ARL14EPL: variants seen among roughly 807,000 people sequenced by gnomAD.
The protein encoded by ARL14EPL is ARF like GTPase 14 effector protein like.
Under a neutral mutation model 15.9 loss-of-function variants are expected in ARL14EPL, and 17 were observed. That is an observed-to-expected ratio of 1.07 (90% CI 0.73 to 1.60). The LOEUF is 1.60. Among genes scored for constraint, ARL14EPL ranks in the 40% most tolerant of loss-of-function variants. The pLI is 0.00. For synonymous variants in ARL14EPL, 78 were observed against 63.8 expected (o/e 1.22, Z -1.06); for missense variants, 214 against 185.9 (o/e 1.15, Z -0.88).
Position 116,058,953 on chromosome 5 carries a change from C to G in ARL14EPL, c.*6C>G, listed in dbSNP as rs964365781. 2.0e-6 allele frequency: 3 copies of G among 1,534,706 alleles called. No individual in the cohort carries two copies. The highest frequency in any genetic ancestry group is 2.7e-5 in the African/African-American group (2 of 72,956). On this transcript the variant is annotated 3_prime_UTR_variant, in exon 4 of 4. Transcript: ENST00000686077. Reference sequence around the variant, plus strand: ...CGTTTAATGTTCCTGACTAGGTGCTCTTGTATATGGACTGATTTGTTTCTT... The same window carrying G: ...CGTTTAATGTTCCTGACTAGGTGCTGTTGTATATGGACTGATTTGTTTCTT...
intron 3 of ARL14EPL, among the ~76,000 whole-genome samples, chr5:116,056,426 T>C (rs894479905): frequency 6.6e-6 from 1 of 152,266 alleles, no homozygotes; most frequent in African/African-American, 2.4e-5. Context: ...CATGTGTCTA[T>C]TGGCTGCATC....
intron 2 of ARL14EPL, chr5:116,052,097 T>G (rs942049530): frequency 1.2e-6 from 2 of 1,613,238 alleles, no homozygotes; most frequent in African/African-American, 2.7e-5. Context: ...AAGTTTATAG[T>G]TGGGAACTTC....
At chr5:116,053,942 T>C in intron 2 of ARL14EPL, 72 bp from the exon 3 acceptor site, 2 of 1,345,578 alleles carry the variant, frequency 1.5e-6, no homozygotes, top group Non-Finnish European at 2.0e-6. Flanking sequence ...TTACAGAAAG[T>C]TCATTTTGGG....
intron 1 of ARL14EPL, among the ~76,000 whole-genome samples, chr5:116,047,814 A>G (rs1335519420): frequency 6.6e-6 from 1 of 152,140 alleles, no homozygotes; most frequent in African/African-American, 2.4e-5. Context: ...TTAAGGTTTT[A>G]TGGCTGGCCT....
chr5:116,043,914 A>G (rs1047622155), intron 1 of ARL14EPL, among the ~76,000 whole-genome samples: 1 of 152,218 alleles, frequency 6.6e-6, no homozygotes, highest in Non-Finnish European at 1.5e-5. Context: ...AATTGTCTAA[A>G]AGCAAGGTCA....
chr5:116,044,421 G>T (rs1749224961), intron 1 of ARL14EPL, among the ~76,000 whole-genome samples: 1 of 151,986 alleles, frequency 6.6e-6, no homozygotes, highest in Non-Finnish European at 1.5e-5. Context: ...TTTCTCTTGG[G>T]AAAACAGCTT....
chr5:116,058,704 T>C, intron 3 of ARL14EPL, 21 bp from the exon 4 acceptor site: 5 of 1,529,590 alleles, frequency 3.3e-6, no homozygotes, highest in Non-Finnish European at 4.4e-6. Flanking sequence ...GTCATCTTAA[T>C]GTCATGCTTT....
chr5:116,035,923 C>T (rs1749042049), intron 1 of ARL14EPL, among the ~76,000 whole-genome samples: 1 of 152,176 alleles, frequency 6.6e-6, no homozygotes, highest in Non-Finnish European at 1.5e-5. Context: ...GGGGTGATAC[C>T]GACGGAAACT....
chr5:116,044,249 A>G (rs1286727502), intron 1 of ARL14EPL, among the ~76,000 whole-genome samples: 1 of 152,180 alleles, frequency 6.6e-6, no homozygotes, highest in Non-Finnish European at 1.5e-5. Flanking sequence ...TGTTTACCCT[A>G]TAATTCACGA....
intron 2 of ARL14EPL, among the ~76,000 whole-genome samples, chr5:116,053,573 G>C (rs1046222592): frequency 6.6e-6 from 1 of 152,116 alleles, no homozygotes; most frequent in African/African-American, 2.4e-5. Context: ...GGGCACTGAA[G>C]GGGAGTGCCG....
intron 3 of ARL14EPL, among the ~76,000 whole-genome samples, chr5:116,055,680 G>C (rs1291125729): frequency 1.3e-5 from 2 of 151,268 alleles, no homozygotes; most frequent in Non-Finnish European, 2.9e-5. Context: ...TAAGTTCTAG[G>C]GTACATGTGC....
chr5:116,041,457 A>G lies in ARL14EPL; in HGVS notation c.-10+8952A>G, dbSNP rs578045911. ...GTTTCTTTGTTTTTTAAATTGCTTT[A>G]ATGATTTTCCAAAATGGAGCTGCTG... On this transcript the variant is annotated intron_variant, in intron 1 of 3. Transcript: ENST00000686077. Among the ~76,000 whole-genome samples, 7 of 152,174 alleles carry G rather than the reference A, an allele frequency of 4.6e-5. No individual in the cohort carries two copies. The East Asian group carries it at 1.2e-3, about 25-fold the overall frequency.
chr5:116,058,594 G>A (rs1285354149), intron 3 of ARL14EPL, 131 bp from the exon 4 acceptor site: 7 of 836,538 alleles, frequency 8.4e-6, no homozygotes, highest in Non-Finnish European at 1.3e-5. Context: ...GAGTACCAAT[G>A]TTTCTGGTAA....
chr5:116,049,535 G>T (rs918634927), intron 1 of ARL14EPL, among the ~76,000 whole-genome samples: 8 of 152,080 alleles, frequency 5.3e-5, no homozygotes, highest in African/African-American at 1.7e-4. Flanking sequence ...GTGCAGGTTT[G>T]TTACAGAAGC....
intron 3 of ARL14EPL, among the ~76,000 whole-genome samples, chr5:116,056,803 C>G (rs1749528129): frequency 6.6e-6 from 1 of 152,098 alleles, no homozygotes; most frequent in Non-Finnish European, 1.5e-5. Flanking sequence ...AGTCTTTAAT[C>G]CATCTTGAAT....
At chr5:116,055,935 A>G (rs907880716) in intron 3 of ARL14EPL, among the ~76,000 whole-genome samples, 4 of 152,146 alleles carry the variant, frequency 2.6e-5, no homozygotes, top group African/African-American at 9.7e-5. Flanking sequence ...GCTAAGAATG[A>G]TAGTTTCCAA....
chr5:116,039,143 T>G lies in ARL14EPL; in HGVS notation c.-10+6638T>G, dbSNP rs529080315. Among the ~76,000 whole-genome samples, 4 of 151,992 alleles carry G rather than the reference T, an allele frequency of 2.6e-5. No homozygotes were observed. In the South Asian group the frequency reaches 8.3e-4, roughly 32 times the overall value. ...GACTCAGTTGTACCCCAGGAGGGAG[T>G]GTAAGCCTGGGGCAGAAGGTCAGGT... On this transcript the variant is annotated intron_variant, in intron 1 of 3. Coordinates refer to ENST00000686077, the MANE Select transcript of ARL14EPL (RefSeq NM_001195581.2).
chr5:116,053,609 T>A (rs1396496), intron 2 of ARL14EPL, among the ~76,000 whole-genome samples: 1 of 151,668 alleles, frequency 6.6e-6, no homozygotes, highest in Non-Finnish European at 1.5e-5. Context: ...CTCACTGTGG[T>A]TTGAGACACT....
At chr5:116,051,252 C>T (rs76940046) in intron 1 of ARL14EPL, 9,299 of 465,624 alleles carry the variant, frequency 0.02, 472 homozygotes, top group East Asian at 0.16. Context: ...CTGGAACCCC[C>T]GGCAGAGGAG....
Sources: gnomAD v4.1 joint callset for allele counts (sites outside exome capture counted in the v4.1 genomes callset) on GRCh38, gnomAD v4.1.1 for gene constraint, MANE v1.5 for transcripts, NCBI Gene and HGNC (gene_info 2026-07-23, HGNC 2026-07-21) for gene names.